The following PPFIA3 variants were observed in gnomAD, a reference collection of about 807,000 sequenced individuals.
PPFIA3 encodes liprin-alpha-3.
Under a neutral mutation model 145.8 loss-of-function variants are expected in PPFIA3, and 26 were observed. The observed-to-expected ratio is 0.18, with a 90% CI of 0.13 to 0.25. The LOEUF (loss-of-function observed/expected upper bound fraction) is 0.25, where lower values mean the gene tolerates loss of function less well. Among genes scored for constraint, PPFIA3 ranks in the 10% least tolerant of loss-of-function variants. The pLI is 1.00. For synonymous variants in PPFIA3, 645 were observed against 661.4 expected, an observed-to-expected ratio of 0.98 and a Z score of 0.38; for missense variants, 1,008 against 1,587.8, an observed-to-expected ratio of 0.63 and a Z score of 6.21.
chr19:49,134,170 G>A lies in PPFIA3; in HGVS notation c.1377+5G>A. 6.2e-7 allele frequency: 1 copy of A among 1,607,436 alleles called. No individual in the cohort carries two copies. On this transcript the variant is annotated splice_donor_5th_base_variant and intron_variant, in intron 11 of 29. Coordinates refer to ENST00000334186, the MANE Select transcript of PPFIA3 (RefSeq NM_003660.4). ...ATGGGGGCGCTGGAGGAGAAGGTGC[G>A]CCCCCCATACAGGACTGCGGGACGC...
At chr19:49,139,566 C>T in intron 16 of PPFIA3, 102 bp from the exon 17 acceptor site, 1 of 1,278,534 alleles carries the variant, frequency 7.8e-7, no homozygotes. Flanking sequence ...GTGTTCTAAA[C>T]CAGGGTCACC....
intron 19 of PPFIA3, 38 bp downstream of exon 19, chr19:49,141,551 T>G (rs1568439947): frequency 3.9e-6 from 6 of 1,547,038 alleles, no homozygotes; most frequent in South Asian, 1.1e-5. Flanking sequence ...TGTGTGTATG[T>G]GAATGTGAGA....
intron 1 of PPFIA3, chr19:49,125,438 C>T (rs1219660275): frequency 4.6e-5 from 7 of 152,346 alleles, no homozygotes; most frequent in Non-Finnish European, 8.8e-5. Context: ...CCCGTCGGAC[C>T]TGATGTGTGT....
chr19:49,134,585 C>T, intron 11 of PPFIA3, 54 bp from the exon 12 acceptor site: 1 of 1,544,796 alleles, frequency 6.5e-7, no homozygotes, highest in Non-Finnish European at 8.9e-7. Context: ...GCCTGCAGCC[C>T]CACGGGCGTG....
chr19:49,128,451 G>A lies in PPFIA3; in HGVS notation c.325G>A (p.Glu109Lys). 1 of 1,555,258 alleles carries A rather than the reference G, an allele frequency of 6.4e-7. No homozygotes were observed. Among genetic ancestry groups the A allele is most frequent in the Non-Finnish European group, 8.7e-7 (1 of 1,146,960 alleles). The change falls in exon 3 of 30, where the codon GAA becomes AAA. Residue 109 changes from glutamate (E) to lysine (K), a missense_variant. Transcript: ENST00000334186. The surrounding 1 kb of genome is among the most constrained non-coding windows in gnomAD (Gnocchi z 4.1). ...GGAAGAGATTGCAGAGCTGAAGGCG[G>A]AACGGAACAACACGCGGGTGAGGGG... ...REEEIAELKA[E>K]RNNTRLLLEH...
intron 1 of PPFIA3, among the ~76,000 whole-genome samples, chr19:49,121,431 G>T (rs8101590): frequency 0.44 from 66,339 of 151,858 alleles, 14,799 homozygotes; most frequent in African/African-American, 0.51. Context: ...CACCTTAGCC[G>T]CCTGAGTAGC....
At chr19:49,126,247 C>T (rs567882147) in intron 1 of PPFIA3, among the ~76,000 whole-genome samples, 1 of 151,192 alleles carries the variant, frequency 6.6e-6, no homozygotes. Context: ...CTTGCCCGGC[C>T]GTTACTGTGT....
At position 49,133,314 on chromosome 19, in the gene PPFIA3, G is replaced by A; in HGVS notation, c.1104G>A (p.Ala368=). The stretch of plus-strand genomic sequence containing the variant: ...AGCTGCAGCAGACGCTGCAGAAAGC[G>A]GAGACCTTGCCCGAGATAGAGGCGC... ...KQKLQQTLQK[A]ETLPEIEAQL... is the part of the protein sequence containing the mutation. The change falls in exon 9 of 30, where the codon GCG becomes GCA. Residue 368 remains alanine (A), a synonymous_variant. Transcript: ENST00000334186. The surrounding 1 kb of genome is among the most constrained non-coding windows in gnomAD (Gnocchi z 7.2). 3 of 1,610,642 alleles carry A rather than the reference G, an allele frequency of 1.9e-6. No individual in the cohort carries two copies. Among genetic ancestry groups the A allele is most frequent in the Non-Finnish European group, 2.5e-6 (3 of 1,179,142 alleles).
At chr19:49,141,776 G>A (rs907868288) in intron 19 of PPFIA3, among the ~76,000 whole-genome samples, 2 of 150,560 alleles carry the variant, frequency 1.3e-5, no homozygotes, top group African/African-American at 2.4e-5. Flanking sequence ...AATTTTTTTT[G>A]TATTTTTTAC....
At chr19:49,141,579 T>TGCGC (rs1360585769) in intron 19 of PPFIA3, 66 bp downstream of exon 19, 13 of 1,081,452 alleles carry the variant, frequency 1.2e-5, no homozygotes, top group Admixed American at 4.6e-5. Flanking sequence ...AGGGTGTGTG[T>TGCGC]GTGCGTGTAT....
At chr19:49,124,173 T>TA (rs1174413090) in intron 1 of PPFIA3, among the ~76,000 whole-genome samples, 1 of 152,138 alleles carries the variant, frequency 6.6e-6, no homozygotes, top group Non-Finnish European at 1.5e-5. Flanking sequence ...ATTAAATTTT[T>TA]AAAAAATCTA....
In PPFIA3 at chr19:49,133,389, G is replaced by A. The variant is rs1405640933; in HGVS notation, c.1161+18G>A. ...TCAACAAGGTGCGGGGAGGACTCGG[G>A]TCGGGGCCTTGCGTGGGGAAGGGGT... On this transcript the variant is annotated intron_variant, in intron 9 of 29. Transcript: ENST00000334186. This position sits in a 1 kb window ranked among gnomAD's most constrained non-coding sequence, Gnocchi z 7.2. 1.3e-6 allele frequency: 2 copies of A among 1,583,676 alleles called. No individual in the cohort carries two copies. Among genetic ancestry groups the A allele is most frequent in the African/African-American group, 1.4e-5 (1 of 73,774 alleles).
chr19:49,132,863 T>C, intron 7 of PPFIA3, 138 bp from the exon 8 acceptor site: 1 of 1,107,436 alleles, frequency 9.0e-7, no homozygotes, highest in Non-Finnish European at 1.3e-6. Context: ...GATGGGCTAG[T>C]CCTGGGAGCT....
At chr19:49,124,595 C>G (rs766155461) in intron 1 of PPFIA3, among the ~76,000 whole-genome samples, 1 of 152,142 alleles carries the variant, frequency 6.6e-6, no homozygotes, top group Non-Finnish European at 1.5e-5. Context: ...TTACCCCAAG[C>G]CATTGAAAGC....
In PPFIA3 at chr19:49,127,948, C is replaced by G; in HGVS notation, c.75C>G (p.Gly25=). ...CGGCGCTGGGCCCGGACGAGGCGGGCGGGGAGCTGGAGCGCCTCATGGTCA... is the reference window on the plus strand; with the variant it reads ...CGGCGCTGGGCCCGGACGAGGCGGGGGGGGAGCTGGAGCGCCTCATGGTCA... ...RGSALGPDEA[G]GELERLMVTM... is the part of the protein sequence containing the mutation. Residue 25 remains glycine, a synonymous_variant, in exon 2 of 30, where the codon GGC becomes GGG. Transcript: ENST00000334186. 1 of 1,594,228 alleles carries G rather than the reference C, an allele frequency of 6.3e-7. No homozygotes were observed.
In PPFIA3 at chr19:49,149,232, C is replaced by A; in HGVS notation, c.3286-25C>A. The A allele has an allele frequency of 6.2e-7, 1 of 1,614,168 alleles. No homozygotes were observed. The highest frequency in any genetic ancestry group is 8.5e-7 in the Non-Finnish European group (1 of 1,180,008). On this transcript the variant is annotated intron_variant, in intron 26 of 29. Transcript: ENST00000334186. The surrounding 1 kb of genome is among the most constrained non-coding windows in gnomAD (Gnocchi z 5.7). Reference sequence around the variant, plus strand: ...CACCTCGCAGACTGCACGCTCCAACCGCCCCCTCCACCTCCTCTTTCCAGG... The same window carrying A: ...CACCTCGCAGACTGCACGCTCCAACAGCCCCCTCCACCTCCTCTTTCCAGG...
In PPFIA3 at chr19:49,128,486, C is replaced by A; in HGVS notation, c.342+18C>A. The A allele has an allele frequency of 4.5e-6, 2 of 443,706 alleles. No individual in the cohort carries two copies. Among genetic ancestry groups the A allele is most frequent in the Non-Finnish European group, 6.6e-6 (2 of 305,116 alleles). The allele number at this position is 443,706 out of a possible 1,614,324, so 27.5% of individuals were successfully genotyped here. A position where few individuals can be genotyped will look rare whatever the true frequency, so the allele number is the denominator to read the frequency against. ...ACACGCGGGTGAGGGGTGTTGAGGG[C>A]GGGGCCTAAGTGGGGGCGGGGCCTC... On this transcript the variant is annotated intron_variant, in intron 3 of 29. Transcript: ENST00000334186. The surrounding 1 kb of genome is among the most constrained non-coding windows in gnomAD (Gnocchi z 4.1).
chr19:49,134,449 A>G (rs545445159), intron 11 of PPFIA3, among the ~76,000 whole-genome samples, 190 bp from the exon 12 acceptor site: 215 of 152,278 alleles, frequency 1.4e-3, no homozygotes, highest in Non-Finnish European at 2.4e-3. Context: ...GAGATTGCAC[A>G]GGACGTCGCA....
chr19:49,149,288 A>G lies in PPFIA3; in HGVS notation c.3317A>G (p.Asn1106Ser). ...ARQLLEKEFSNLISLGTDRRL... is the reference protein window; with the variant it reads ...ARQLLEKEFSSLISLGTDRRL... ...CAGCTTCTGGAGAAGGAATTCAGCAACCTTATCTCCTTAGGCACAGACAGG... is the reference window on the plus strand; with the variant it reads ...CAGCTTCTGGAGAAGGAATTCAGCAGCCTTATCTCCTTAGGCACAGACAGG... Residue 1106 changes from asparagine (N) to serine (S), a missense_variant, in exon 27 of 30, where the codon AAC (asparagine) becomes AGC (serine). Physicochemically the swap from Asn to Ser is conservative, Grantham distance 46 (BLOSUM62 1). Around this residue, in one of 11 missense-constraint regions of PPFIA3, gnomAD observed 125 missense variants for 159.3 expected, o/e 0.78. Coordinates refer to ENST00000334186, the MANE Select transcript of PPFIA3 (RefSeq NM_003660.4). This position sits in a 1 kb window ranked among gnomAD's most constrained non-coding sequence, Gnocchi z 5.7. 6.2e-7 allele frequency: 1 copy of G among 1,614,036 alleles called. No individual in the cohort carries two copies. The highest frequency in any genetic ancestry group is 8.5e-7 in the Non-Finnish European group (1 of 1,180,008).
Sources: allele counts gnomAD v4.1 joint callset (sites outside exome capture counted in the v4.1 genomes callset), GRCh38; gene constraint gnomAD v4.1.1; regional missense constraint gnomAD v4.1.1; non-coding constraint Gnocchi (gnomAD v3.1); transcripts MANE v1.5; gene names NCBI Gene and HGNC (gene_info 2026-07-23, HGNC 2026-07-21).